ADAMTS3: variants seen among roughly 807,000 people sequenced by gnomAD.
ADAMTS3 encodes ADAM metallopeptidase with thrombospondin type 1 motif 3, also known as A disintegrin and metalloproteinase with thrombospondin motifs 3.
A neutral mutation model predicts 129.0 loss-of-function variants in ADAMTS3; 73 were observed. The observed-to-expected ratio is 0.57, with a 90% CI of 0.47 to 0.69. The LOEUF is 0.69. ADAMTS3 is among the 30% of genes least tolerant of loss of function. The pLI is 0.00. For synonymous variants in ADAMTS3, 477 were observed against 510.8 expected (o/e 0.93, Z 0.89); for missense variants, 1,457 against 1,514.5 (o/e 0.96, Z 0.63).
chr4:72,435,732 T>A (rs947164226), intron 3 of ADAMTS3, among the ~76,000 whole-genome samples: 12 of 152,076 alleles, frequency 7.9e-5, no homozygotes, highest in African/African-American at 2.6e-4. Flanking sequence ...TTGACAAACC[T>A]GATAAAAATA....
At chr4:72,508,895 A>G (rs991517541) in intron 3 of ADAMTS3, among the ~76,000 whole-genome samples, 3 of 152,108 alleles carry the variant, frequency 2.0e-5, no homozygotes, top group African/African-American at 7.2e-5. Context: ...AGTTTTAAAC[A>G]TTCAAAAAAA....
Position 72,303,882 on chromosome 4 carries a change from A to C in ADAMTS3, c.2424+35T>G, listed in dbSNP as rs1719016111. Reference sequence around the variant, plus strand: ...GATAAATTAATTATAAAGTAAGCTGAGCTAACTATACCATGAGCCCATAAT... The same window carrying C: ...GATAAATTAATTATAAAGTAAGCTGCGCTAACTATACCATGAGCCCATAAT... On this transcript the variant is annotated intron_variant, in intron 17 of 21. Coordinates refer to ENST00000286657, the MANE Select transcript of ADAMTS3 (RefSeq NM_014243.3). 1.9e-6 allele frequency: 3 copies of C among 1,604,426 alleles called. No individual in the cohort carries two copies. In the South Asian group the frequency reaches 3.3e-5, roughly 18 times the overall value.
At chr4:72,564,815 CATATAAG>C (rs1288869865) in intron 2 of ADAMTS3, among the ~76,000 whole-genome samples, 2 of 152,134 alleles carry the variant, frequency 1.3e-5, no homozygotes, top group Non-Finnish European at 2.9e-5. Context: ...AGGGTTGAAG[CATATAAG>C]ATATATTTTT....
chr4:72,385,428 T>G (rs1369089), intron 4 of ADAMTS3, among the ~76,000 whole-genome samples: 149,042 of 152,160 alleles, frequency 0.98, 73,055 homozygotes, highest in Non-Finnish European at 1. Context: ...GGTACACAGG[T>G]ACGAAGAGCA....
chr4:72,448,009 G>A (rs951004815), intron 3 of ADAMTS3, among the ~76,000 whole-genome samples: 1 of 151,482 alleles, frequency 6.6e-6, no homozygotes, highest in African/African-American at 2.4e-5. Context: ...AACCCAAAGG[G>A]GACCTCTCTG....
intron 2 of ADAMTS3, among the ~76,000 whole-genome samples, chr4:72,559,684 T>G (rs950475954): frequency 6.6e-6 from 1 of 151,786 alleles, no homozygotes; most frequent in Non-Finnish European, 1.5e-5. Context: ...CTAATAACAA[T>G]AGTTATGATT....
At chr4:72,536,957 A>G (rs72853089) in intron 3 of ADAMTS3, among the ~76,000 whole-genome samples, 1,838 of 152,350 alleles carry the variant, frequency 0.012, 32 homozygotes, top group African/African-American at 0.042. Flanking sequence ...AATATTGTAA[A>G]AAGGTGATAG....
chr4:72,531,269 G>A (rs1477132441), intron 3 of ADAMTS3, among the ~76,000 whole-genome samples: 1 of 152,114 alleles, frequency 6.6e-6, no homozygotes, highest in Non-Finnish European at 1.5e-5. Flanking sequence ...AAGAATCTAG[G>A]TTTTTGGCCT....
chr4:72,354,174 T>C (rs779229551), intron 4 of ADAMTS3, among the ~76,000 whole-genome samples: 5 of 152,020 alleles, frequency 3.3e-5, no homozygotes, highest in African/African-American at 4.8e-5. Context: ...GTCCAAGTGT[T>C]TGTTTAGATA....
At chr4:72,320,952 G>C (rs777998328) in intron 6 of ADAMTS3, 82 bp from the exon 7 acceptor site, 138 of 1,403,432 alleles carry the variant, frequency 9.8e-5, no homozygotes, top group Non-Finnish European at 1.3e-4. Flanking sequence ...AGCTGAATTT[G>C]GGATTAAAGT....
In ADAMTS3 at chr4:72,341,651, A is replaced by G. The variant is rs576432414; in HGVS notation, c.662-1958T>C. ...CCAATGGAAATATACCAGCAATGTT[A>G]TTATATCATGAAGCTTGATGTGTGA... On this transcript the variant is annotated intron_variant, in intron 4 of 21. Coordinates refer to ENST00000286657, the MANE Select transcript of ADAMTS3 (RefSeq NM_014243.3). Among the ~76,000 whole-genome samples, 9 of 152,286 alleles carry G rather than the reference A, an allele frequency of 5.9e-5. No individual in the cohort carries two copies. In the South Asian group the frequency reaches 1.7e-3, roughly 28 times the overall value.
At chr4:72,327,364 G>A (rs1202718812) in intron 5 of ADAMTS3, among the ~76,000 whole-genome samples, 1 of 152,124 alleles carries the variant, frequency 6.6e-6, no homozygotes, top group Non-Finnish European at 1.5e-5. Flanking sequence ...GAAAAGGAAA[G>A]TAATTTTTCT....
chr4:72,474,045 C>T (rs1560529601), intron 3 of ADAMTS3, among the ~76,000 whole-genome samples: 1 of 152,148 alleles, frequency 6.6e-6, no homozygotes, highest in South Asian at 2.1e-4. Context: ...CTGGCAGTAA[C>T]AAGGGAGCTC....
chr4:72,545,151 TA>T (rs1412232758), intron 3 of ADAMTS3, among the ~76,000 whole-genome samples: 2 of 152,148 alleles, frequency 1.3e-5, no homozygotes, highest in Non-Finnish European at 2.9e-5. Flanking sequence ...TTGTATAAAA[TA>T]ATTAGTCACA....
At chr4:72,353,895 T>C (rs1002823353) in intron 4 of ADAMTS3, among the ~76,000 whole-genome samples, 1 of 151,994 alleles carries the variant, frequency 6.6e-6, no homozygotes, top group African/African-American at 2.4e-5. Flanking sequence ...GTTGTGATTC[T>C]TTACTGTTGT....
chr4:72,514,172 C>T (rs1444335897), intron 3 of ADAMTS3, among the ~76,000 whole-genome samples: 2 of 152,036 alleles, frequency 1.3e-5, no homozygotes, highest in Non-Finnish European at 2.9e-5. Context: ...CAGGCCTTAC[C>T]CATCTATGGG....
chr4:72,392,632 T>C (rs902485070), intron 4 of ADAMTS3, among the ~76,000 whole-genome samples: 27 of 152,002 alleles, frequency 1.8e-4, no homozygotes, highest in Non-Finnish European at 3.1e-4. Flanking sequence ...AGGAAAAGAA[T>C]AGAAGAGAAG....
chr4:72,351,955 T>C (rs917255916), intron 4 of ADAMTS3, among the ~76,000 whole-genome samples: 1 of 151,848 alleles, frequency 6.6e-6, no homozygotes, highest in Non-Finnish European at 1.5e-5. Flanking sequence ...TGTTGGCAAT[T>C]TCTCAAAATC....
chr4:72,552,945 T>C (rs1454015502), intron 2 of ADAMTS3, among the ~76,000 whole-genome samples: 1 of 152,188 alleles, frequency 6.6e-6, no homozygotes, highest in African/African-American at 2.4e-5. Context: ...CCAGCATATA[T>C]ACTTCATGAA....
Sources: allele counts gnomAD v4.1 joint callset (sites outside exome capture counted in the v4.1 genomes callset), GRCh38; gene constraint gnomAD v4.1.1; transcripts MANE v1.5; gene names NCBI Gene and HGNC (gene_info 2026-07-23, HGNC 2026-07-21).